Variants in MCC observed in about 807,000 individuals in gnomAD.
The protein encoded by MCC is MCC regulator of Wnt signaling pathway.
In MCC, 90 loss-of-function variants were observed where a neutral mutation model predicts 116.2. The ratio of observed to expected loss-of-function variants is 0.77; its 90% CI spans 0.65 to 0.92. MCC has a LOEUF of 0.92. Among genes scored for constraint, MCC ranks in the 40% least tolerant of loss-of-function variants. The pLI is 0.00. For synonymous variants in MCC, 578 were observed against 510.5 expected, an observed-to-expected ratio of 1.13 and a Z score of -1.78; for missense variants, 1,516 against 1,312.2, an observed-to-expected ratio of 1.16 and a Z score of -2.40.
chr5:113,113,225 A>G (rs774942443), intron 6 of MCC, among the ~76,000 whole-genome samples: 12 of 152,238 alleles, frequency 7.9e-5, no homozygotes, highest in Non-Finnish European at 1.5e-4. Context: ...GCAAGATGTT[A>G]TATCCCAGGG....
At chr5:113,087,329 G>A (rs1246254096) in intron 8 of MCC, among the ~76,000 whole-genome samples, 2 of 152,178 alleles carry the variant, frequency 1.3e-5, no homozygotes, top group East Asian at 1.9e-4. Flanking sequence ...TTCCAGTAAC[G>A]GAGGATCGAT....
intron 1 of MCC, among the ~76,000 whole-genome samples, chr5:113,467,969 G>A (rs1043367777): frequency 6.6e-6 from 1 of 152,116 alleles, no homozygotes; most frequent in African/African-American, 2.4e-5. Context: ...GTTCACTCAT[G>A]ATTTGGCTGT....
Position 113,154,918 on chromosome 5 carries a change from A to C in MCC, c.628-3496T>G, listed in dbSNP as rs568387119. ...GGAACATTTCAAATCTCTTCTAGCT[A>C]TTCTGAAATATACATTATTGCCAGC... On this transcript the variant is annotated intron_variant, in intron 3 of 18. Coordinates refer to ENST00000408903, the MANE Select transcript of MCC (RefSeq NM_001085377.2). 2.0e-5 allele frequency among the ~76,000 whole-genome samples: 3 copies of C among 152,274 alleles called. No homozygotes were observed. In the South Asian group the frequency reaches 6.2e-4, roughly 32 times the overall value.
At chr5:113,259,152 C>T (rs1332433630) in intron 3 of MCC, among the ~76,000 whole-genome samples, 1 of 152,194 alleles carries the variant, frequency 6.6e-6, no homozygotes, top group Non-Finnish European at 1.5e-5. Context: ...TCTCTCATAA[C>T]TGAAGGCAAA....
At chr5:113,294,262 G>C in intron 3 of MCC, 1 of 1,608,820 alleles carries the variant, frequency 6.2e-7, no homozygotes, top group Non-Finnish European at 8.5e-7. Context: ...GGAGGTCGAG[G>C]GGAGGGGGAT....
chr5:113,075,726 C>T (rs1442609334), intron 11 of MCC, among the ~76,000 whole-genome samples: 4 of 152,208 alleles, frequency 2.6e-5, no homozygotes, highest in African/African-American at 9.6e-5. Context: ...GCTGCCCGAG[C>T]CAGCAGCAGC....
At position 113,127,054 on chromosome 5, in the gene MCC, T is replaced by C. The variant is rs191482372; in HGVS notation, c.885-4228A>G. ...ACCCGCAAGTAGGCCCCAATGTCTG[T>C]TGTTCCCCTCTTTGTGTCCATTTGT... is the stretch of plus-strand genomic sequence containing the variant. On this transcript the variant is annotated intron_variant, in intron 5 of 18. Coordinates refer to ENST00000408903, the MANE Select transcript of MCC (RefSeq NM_001085377.2). Among the ~76,000 whole-genome samples, 379 of 152,324 alleles carry C rather than the reference T, an allele frequency of 2.5e-3. 1 individual carries two copies. The highest frequency in any genetic ancestry group is 0.014 in the Middle Eastern group (4 of 294).
chr5:113,185,656 G>C (rs959981442), intron 3 of MCC, among the ~76,000 whole-genome samples: 1 of 152,194 alleles, frequency 6.6e-6, no homozygotes, highest in African/African-American at 2.4e-5. Context: ...AGCATTGAGA[G>C]GAACTAACAG....
intron 3 of MCC, among the ~76,000 whole-genome samples, chr5:113,244,328 T>C (rs1764492565): frequency 6.6e-6 from 1 of 152,190 alleles, no homozygotes; most frequent in East Asian, 1.9e-4. Context: ...ACAAGTAGGT[T>C]TACAACTTAA....
intron 8 of MCC, among the ~76,000 whole-genome samples, chr5:113,093,830 T>C (rs1386478560): frequency 6.6e-6 from 1 of 152,180 alleles, no homozygotes; most frequent in Non-Finnish European, 1.5e-5. Flanking sequence ...AACATTTTTA[T>C]TAGCCATAAA....
At chr5:113,196,999 C>G (rs1330205338) in intron 3 of MCC, among the ~76,000 whole-genome samples, 2 of 152,138 alleles carry the variant, frequency 1.3e-5, no homozygotes, top group Non-Finnish European at 2.9e-5. Flanking sequence ...AGTGTCTGCC[C>G]TCATGGAGCT....
At chr5:113,060,720 C>T (rs557507375) in intron 14 of MCC, among the ~76,000 whole-genome samples, 1 of 152,234 alleles carries the variant, frequency 6.6e-6, no homozygotes, top group Admixed American at 6.5e-5. Context: ...ACCTTGTTCT[C>T]ATAGAACCTA....
intron 3 of MCC, among the ~76,000 whole-genome samples, chr5:113,305,608 A>C (rs1766968281): frequency 6.6e-6 from 1 of 152,264 alleles, no homozygotes; most frequent in Non-Finnish European, 1.5e-5. Flanking sequence ...TTTACCGCTT[A>C]GCAGCACCTT....
At position 113,085,152 on chromosome 5, in the gene MCC, C is replaced by A; in HGVS notation, c.1545+12G>T. 7 of 1,614,110 alleles carry A rather than the reference C, an allele frequency of 4.3e-6. No individual in the cohort carries two copies. Among genetic ancestry groups the A allele is most frequent in the Non-Finnish European group, 5.1e-6 (6 of 1,180,020 alleles). ...GTGTTCCCGCTCATCGGGTCCATCC[C>A]CAGGAACTCACCTTGGCGATGGGAA... On this transcript the variant is annotated intron_variant, in intron 9 of 18. Coordinates refer to ENST00000408903, the MANE Select transcript of MCC (RefSeq NM_001085377.2).
intron 4 of MCC, among the ~76,000 whole-genome samples, chr5:113,150,031 A>G (rs140020619): frequency 6.6e-6 from 1 of 152,338 alleles, no homozygotes; most frequent in Non-Finnish European, 1.5e-5. Context: ...TGAAGAGGCT[A>G]ACCTAGGCTA....
At chr5:113,059,639 A>G (rs1269746695) in intron 14 of MCC, among the ~76,000 whole-genome samples, 1 of 152,222 alleles carries the variant, frequency 6.6e-6, no homozygotes, top group Non-Finnish European at 1.5e-5. Flanking sequence ...CCCTCGCCAC[A>G]CATGTGTGTC....
In MCC at chr5:113,051,101, A is replaced by G. The variant is rs114744387; in HGVS notation, c.2449-1802T>C. 8.1e-3 allele frequency among the ~76,000 whole-genome samples: 1,234 copies of G among 152,356 alleles called. 13 individuals are homozygous for G. Among genetic ancestry groups the G allele is most frequent in the African/African-American group, 0.027 (1,143 of 41,584 alleles). ...TACAGGAATCCAGAGCCAAGAACTTAATAACAACTAGTCCTAAACCTCAGA... is the reference window on the plus strand; with the variant it reads ...TACAGGAATCCAGAGCCAAGAACTTGATAACAACTAGTCCTAAACCTCAGA... On this transcript the variant is annotated intron_variant, in intron 15 of 18. Coordinates refer to ENST00000408903, the MANE Select transcript of MCC (RefSeq NM_001085377.2).
intron 1 of MCC, chr5:113,436,934 T>C (rs1770881547): frequency 6.6e-6 from 1 of 152,174 alleles, no homozygotes. Flanking sequence ...ACTGAACCAA[T>C]GTATACCTTA....
intron 3 of MCC, among the ~76,000 whole-genome samples, chr5:113,182,072 G>T (rs569439893): frequency 6.6e-6 from 1 of 152,292 alleles, no homozygotes; most frequent in Admixed American, 6.5e-5. Context: ...AGCATCCTGT[G>T]TGTAAGGTAA....
Sources: allele counts gnomAD v4.1 joint callset (sites outside exome capture counted in the v4.1 genomes callset), GRCh38; gene constraint gnomAD v4.1.1; transcripts MANE v1.5; gene names NCBI Gene and HGNC (gene_info 2026-07-23, HGNC 2026-07-21).